Variants in EBF3 observed in about 807,000 individuals in gnomAD.
The protein encoded by EBF3 is EBF transcription factor 3.
EBF3 carries 18 observed loss-of-function variants against 77.1 expected under a neutral mutation model. The ratio of observed to expected loss-of-function variants is 0.23; its 90% confidence interval spans 0.16 to 0.35. The LOEUF is 0.35. Among genes scored for constraint, EBF3 ranks in the 10% least tolerant of loss-of-function variants. The pLI is 1.00. For missense variants in EBF3, 558 were observed against 860.0 expected (o/e 0.65, Z 4.39); for synonymous variants, 350 against 343.5 (o/e 1.02, Z -0.21).
Position 129,963,487 on chromosome 10 carries a change from C to T in EBF3, c.171G>A (p.Gln57=), listed in dbSNP as rs765038813. 5.1e-6 allele frequency: 8 copies of T among 1,578,934 alleles called. No homozygotes were observed. Among genetic ancestry groups the T allele is most frequent in the Non-Finnish European group, 6.9e-6 (8 of 1,162,718 alleles). Residue 57 remains glutamine, a synonymous_variant, in exon 2 of 17, where the codon CAG becomes CAA. Transcript: ENST00000440978. The surrounding 1 kb of genome is among the most constrained non-coding windows in gnomAD (Gnocchi z 7.1). ...VGLARAHFEK[Q]PPSNLRKSNF... ...TGGATTTCCGGAGGTTGGAAGGCGG[C>T]TGCTTCTCGAAGTGCGCCCGCGCCA...
Position 129,864,051 on chromosome 10 carries a change from T to C in EBF3, c.1039+3090A>G, listed in dbSNP as rs1311432682. Among the ~76,000 whole-genome samples, 4 of 151,918 alleles carry C rather than the reference T, an allele frequency of 2.6e-5. No homozygotes were observed. The highest frequency in any genetic ancestry group is 5.9e-5 in the Non-Finnish European group (4 of 67,974). On this transcript the variant is annotated intron_variant, in intron 10 of 16. Transcript: ENST00000440978. This position sits in a 1 kb window ranked among gnomAD's most constrained non-coding sequence, Gnocchi z 4.4. ...AGTCAGCCCCAGAGTGGGCACAATA[T>C]GGGCTGCAGATATAGAAGGTGGGCA...
chr10:129,893,907 G>A (rs1322133876), intron 6 of EBF3, among the ~76,000 whole-genome samples: 2 of 152,194 alleles, frequency 1.3e-5, no homozygotes, highest in African/African-American at 4.8e-5. Flanking sequence ...GGGGTGCACG[G>A]GGCCCCACGT....
chr10:129,873,670 C>T, intron 7 of EBF3, 74 bp from the exon 8 acceptor site: 3 of 1,402,202 alleles, frequency 2.1e-6, no homozygotes, highest in Non-Finnish European at 1.9e-6. Context: ...AAAATACAAG[C>T]CATCTTAAAT....
intron 11 of EBF3, among the ~76,000 whole-genome samples, chr10:129,847,446 CTGA>C (rs1166629874): frequency 1.3e-5 from 2 of 152,198 alleles, no homozygotes; most frequent in Non-Finnish European, 2.9e-5. Flanking sequence ...TTCCCCAGCC[CTGA>C]TGATCCTAAC....
At chr10:129,898,274 G>T (rs1006522588) in intron 6 of EBF3, among the ~76,000 whole-genome samples, 1 of 152,202 alleles carries the variant, frequency 6.6e-6, no homozygotes, top group African/African-American at 2.4e-5. Context: ...CATCCTGCCC[G>T]GCTGGGTCTG....
At chr10:129,948,393 G>C (rs747050697) in intron 6 of EBF3, among the ~76,000 whole-genome samples, 3 of 152,046 alleles carry the variant, frequency 2.0e-5, no homozygotes, top group Non-Finnish European at 2.9e-5. Flanking sequence ...GGTGCCAGGG[G>C]TTCAGGAAAG....
chr10:129,868,545 C>T (rs924999910), intron 8 of EBF3, among the ~76,000 whole-genome samples: 3 of 152,202 alleles, frequency 2.0e-5, no homozygotes, highest in South Asian at 2.1e-4. Flanking sequence ...CGGGAGCTCT[C>T]GCATTTGCAT....
chr10:129,868,776 G>T (rs763704866), intron 8 of EBF3, among the ~76,000 whole-genome samples: 14 of 152,230 alleles, frequency 9.2e-5, no homozygotes, highest in Non-Finnish European at 1.8e-4. Context: ...GGTGGAGGCC[G>T]GCTTTGATCA....
chr10:129,874,803 C>A (rs560466803), intron 7 of EBF3, among the ~76,000 whole-genome samples: 10 of 152,252 alleles, frequency 6.6e-5, no homozygotes, highest in African/African-American at 2.4e-4. Flanking sequence ...AGACAAAGCA[C>A]GCCATGCAAA....
In EBF3 at chr10:129,861,263, T is replaced by C. The variant is rs1292424298; in HGVS notation, c.1039+5878A>G. ...AGGACCCTTGAAATGACCCCAGTGATGGCAGTGGGCCTCACTCCCAGGGGA... is the reference window on the plus strand; with the variant it reads ...AGGACCCTTGAAATGACCCCAGTGACGGCAGTGGGCCTCACTCCCAGGGGA... On this transcript the variant is annotated intron_variant, in intron 10 of 16. Transcript: ENST00000440978. The surrounding 1 kb of genome is among the most constrained non-coding windows in gnomAD (Gnocchi z 4.3). 1.3e-5 allele frequency among the ~76,000 whole-genome samples: 2 copies of C among 152,076 alleles called. No homozygotes were observed. Among genetic ancestry groups the C allele is most frequent in the Non-Finnish European group, 2.9e-5 (2 of 68,002 alleles).
intron 6 of EBF3, among the ~76,000 whole-genome samples, chr10:129,939,216 C>A (rs1018639124): frequency 6.6e-6 from 1 of 152,198 alleles, no homozygotes; most frequent in Non-Finnish European, 1.5e-5. Flanking sequence ...ACTCTGGGGG[C>A]AGTGGTGTCA....
intron 6 of EBF3, among the ~76,000 whole-genome samples, chr10:129,899,111 G>C (rs1854604802): frequency 6.6e-6 from 1 of 152,242 alleles, no homozygotes; most frequent in Non-Finnish European, 1.5e-5. Flanking sequence ...CTGCTTATCA[G>C]CAGAGTGTCA....
At chr10:129,850,418 A>G (rs1330910359) in intron 10 of EBF3, among the ~76,000 whole-genome samples, 1 of 152,224 alleles carries the variant, frequency 6.6e-6, no homozygotes. Flanking sequence ...AAGCAGGGTA[A>G]GTACATGGGC....
chr10:129,858,590 T>C (rs1011227780), intron 10 of EBF3, among the ~76,000 whole-genome samples: 1 of 152,092 alleles, frequency 6.6e-6, no homozygotes, highest in Non-Finnish European at 1.5e-5. Context: ...CCTGGGTGCC[T>C]GGGGCTGAGA....
intron 11 of EBF3, among the ~76,000 whole-genome samples, chr10:129,846,546 C>T (rs908450503): frequency 6.6e-6 from 1 of 151,444 alleles, no homozygotes; most frequent in Non-Finnish European, 1.5e-5. Flanking sequence ...TTTCTTTATT[C>T]CATTTCTTTT....
At chr10:129,917,694 A>T (rs1327541656) in intron 6 of EBF3, among the ~76,000 whole-genome samples, 2 of 148,450 alleles carry the variant, frequency 1.3e-5, no homozygotes, top group African/African-American at 2.5e-5. Flanking sequence ...AACCAAGCTG[A>T]GATTATTTGA....
chr10:129,889,951 T>C (rs1469183262), intron 6 of EBF3, among the ~76,000 whole-genome samples: 8 of 108,100 alleles, frequency 7.4e-5, no homozygotes, highest in African/African-American at 3.4e-4. Context: ...AGTGCCTTTT[T>C]TTTTTTTTTT....
intron 6 of EBF3, among the ~76,000 whole-genome samples, chr10:129,921,452 C>T (rs897647837): frequency 1.3e-5 from 2 of 152,204 alleles, no homozygotes; most frequent in Non-Finnish European, 1.5e-5. Flanking sequence ...AAGCTGCCGG[C>T]GTCCCCTGGG....
chr10:129,840,125 C>G (rs1393850518), intron 15 of EBF3, 120 bp downstream of exon 15: 1 of 1,327,666 alleles, frequency 7.5e-7, no homozygotes, highest in Non-Finnish European at 1.0e-6. Flanking sequence ...CAAGGTGGGC[C>G]ACGGGAGAAC....
Sources: allele counts gnomAD v4.1 joint callset (sites outside exome capture counted in the v4.1 genomes callset), GRCh38; gene constraint gnomAD v4.1.1; non-coding constraint Gnocchi (gnomAD v3.1); transcripts MANE v1.5; gene names NCBI Gene and HGNC (gene_info 2026-07-23, HGNC 2026-07-21).